FOXK1: variants seen among roughly 807,000 people sequenced by gnomAD.
FOXK1 encodes forkhead box protein K1.
In FOXK1, 19 loss-of-function variants were observed where a neutral mutation model predicts 51.9. That is an observed-to-expected ratio of 0.37 (90% CI 0.26 to 0.54). The LOEUF (loss-of-function observed/expected upper bound fraction) is 0.54, where lower values mean the gene tolerates loss of function less well. Ranked by LOEUF, FOXK1 falls within the 20% of genes least tolerant of loss-of-function variation. The pLI, the probability that FOXK1 is intolerant of heterozygous loss-of-function variation, is 0.87. For synonymous variants in FOXK1, 537 were observed against 482.6 expected (o/e 1.11, Z -1.48); for missense variants, 870 against 1,032.7 (o/e 0.84, Z 2.16).
At chr7:4,705,573 C>CTCTCTCTCTCTCTCTCT (rs1780078315) in intron 1 of FOXK1, among the ~76,000 whole-genome samples, 1 of 150,692 alleles carries the variant, frequency 6.6e-6, no homozygotes, top group African/African-American at 2.4e-5. Flanking sequence ...CTCGCTCTCT[C>CTCTCTCTCTCTCTCTCT]GTCGCCAGGC....
intron 7 of FOXK1, chr7:4,760,064 GTCCT>G (rs1780911760): frequency 6.0e-6 from 1 of 167,020 alleles, no homozygotes; most frequent in African/African-American, 2.4e-5. Flanking sequence ...CCGCAGATGT[GTCCT>G]TCCTTGTTGA....
At chr7:4,741,100 C>A in intron 2 of FOXK1, 77 bp downstream of exon 2, 1 of 1,062,694 alleles carries the variant, frequency 9.4e-7, no homozygotes, top group Non-Finnish European at 1.3e-6. Context: ...GTACGCAGCA[C>A]CGGGTTCCAA....
At chr7:4,695,791 C>T (rs1050251641) in intron 1 of FOXK1, among the ~76,000 whole-genome samples, 1 of 152,126 alleles carries the variant, frequency 6.6e-6, no homozygotes. Flanking sequence ...ACAAAATTAG[C>T]TGGGCGTGGT....
rs538827005 is a variant in FOXK1 at position 4,749,662 on chromosome 7, C to G, written c.747-4797C>G. 6.6e-6 allele frequency among the ~76,000 whole-genome samples: 1 copy of G among 152,190 alleles called. No individual in the cohort carries two copies. The highest frequency in any genetic ancestry group is 1.9e-4 in the East Asian group (1 of 5,194). The stretch of plus-strand genomic sequence containing the variant: ...AGAGCACTGTCCTCCCTGGGCCTGC[C>G]GGAAGCGATAACTGTCCCGACCCTA... On this transcript the variant is annotated intron_variant, in intron 2 of 8. Coordinates refer to ENST00000328914, the MANE Select transcript of FOXK1 (RefSeq NM_001037165.2). The surrounding 1 kb of genome is among the most constrained non-coding windows in gnomAD (Gnocchi z 6.0).
chr7:4,751,285 G>T lies in FOXK1; in HGVS notation c.747-3174G>T, dbSNP rs181340053. Among the ~76,000 whole-genome samples the T allele has an allele frequency of 2.1e-3, 318 of 148,110 alleles. 3 individuals carry two copies. Among genetic ancestry groups the T allele is most frequent in the Non-Finnish European group, 2.5e-4 (17 of 66,774 alleles). Reference sequence around the variant, plus strand: ...CCACCCTCCTCGGGTAATCCCAAAAGCATTGGGATTACCAATCCCAAAGCA... The same window carrying T: ...CCACCCTCCTCGGGTAATCCCAAAATCATTGGGATTACCAATCCCAAAGCA... On this transcript the variant is annotated intron_variant, in intron 2 of 8. Transcript: ENST00000328914.
intron 1 of FOXK1, among the ~76,000 whole-genome samples, chr7:4,721,589 C>CTTTTTTTTTTTTTTT (rs200132324): frequency 1.4e-3 from 162 of 112,560 alleles, no homozygotes; most frequent in Non-Finnish European, 1.8e-3. Context: ...TCTTTTTTTT[C>CTTTTTTTTTTTTTTT]TTTTTTTTTT....
At chr7:4,742,519 C>T (rs185739534) in intron 2 of FOXK1, among the ~76,000 whole-genome samples, 25 of 152,232 alleles carry the variant, frequency 1.6e-4, no homozygotes, top group African/African-American at 4.6e-4. Flanking sequence ...TGGGCTCAAG[C>T]GGTCTCCCCA....
Position 4,725,071 on chromosome 7 carries a change from G to C in FOXK1, c.561-15767G>C, listed in dbSNP as rs892348557. On this transcript the variant is annotated intron_variant, in intron 1 of 8. Coordinates refer to ENST00000328914, the MANE Select transcript of FOXK1 (RefSeq NM_001037165.2). The stretch of plus-strand genomic sequence containing the variant: ...AGCTCCCCCGAGGCCATCCAAGCGC[G>C]GTGCACCCGCCACCCACAGCGTCCT... 3.3e-5 allele frequency among the ~76,000 whole-genome samples: 5 copies of C among 152,222 alleles called. No individual in the cohort carries two copies. In the South Asian group the frequency reaches 8.3e-4, roughly 25 times the overall value.
At chr7:4,740,552 G>A (rs567055189) in intron 1 of FOXK1, among the ~76,000 whole-genome samples, 9 of 151,646 alleles carry the variant, frequency 5.9e-5, no homozygotes, top group South Asian at 2.1e-4. Context: ...CTGAGGTTGC[G>A]GTGAGCTGAG....
chr7:4,725,800 A>T (rs1340170640), intron 1 of FOXK1, among the ~76,000 whole-genome samples: 1 of 152,172 alleles, frequency 6.6e-6, no homozygotes, highest in East Asian at 1.9e-4. Context: ...ACAGGCTGGG[A>T]TCCAGGCAAG....
chr7:4,689,452 G>GT, intron 1 of FOXK1, among the ~76,000 whole-genome samples: 1 of 152,110 alleles, frequency 6.6e-6, no homozygotes, highest in Non-Finnish European at 1.5e-5. Flanking sequence ...CTACATAAAC[G>GT]TTTTAGCCCC....
chr7:4,699,376 G>GT (rs367704367), intron 1 of FOXK1, among the ~76,000 whole-genome samples: 18,819 of 135,988 alleles, frequency 0.14, 1,525 homozygotes, highest in East Asian at 0.27. Flanking sequence ...ACAGGGTTAG[G>GT]TTTTTTTTTT....
intron 1 of FOXK1, among the ~76,000 whole-genome samples, chr7:4,737,242 C>T (rs1052938983): frequency 7.2e-5 from 11 of 152,278 alleles, no homozygotes; most frequent in African/African-American, 1.9e-4. Flanking sequence ...GGGACTTTCA[C>T]GACACAGAAA....
At chr7:4,725,194 T>C (rs532804384) in intron 1 of FOXK1, among the ~76,000 whole-genome samples, 1 of 152,268 alleles carries the variant, frequency 6.6e-6, no homozygotes, top group South Asian at 2.1e-4. Context: ...TCACTGCGAG[T>C]TGGGGTCGCG....
At chr7:4,746,590 A>C (rs1263757008) in intron 2 of FOXK1, among the ~76,000 whole-genome samples, 1 of 152,222 alleles carries the variant, frequency 6.6e-6, no homozygotes, top group Non-Finnish European at 1.5e-5. Context: ...CGGGAGGCTG[A>C]GGCAGGAGGA....
chr7:4,697,348 G>C (rs1481974639), intron 1 of FOXK1, among the ~76,000 whole-genome samples: 3 of 152,202 alleles, frequency 2.0e-5, no homozygotes, highest in African/African-American at 7.2e-5. Flanking sequence ...CGGTATTCAC[G>C]GCCAACTTTT....
chr7:4,759,054 C>T lies in FOXK1; in HGVS notation c.1248C>T (p.Ser416=), dbSNP rs889199411. ...GCGGCCCTTGCCTGTCTTCCAGGAG[C>T]GCTCCAGCTTCGCCCACACACCCCG... ...RTPFGPLSSR[S]APASPTHPGL... is the part of the protein sequence containing the mutation. The change falls in exon 6 of 9, where the codon AGC becomes AGT. Residue 416 remains serine (S), a synonymous_variant. Transcript: ENST00000328914. The T allele has an allele frequency of 6.3e-7, 1 of 1,590,514 alleles. No homozygotes were observed. Among genetic ancestry groups the T allele is most frequent in the East Asian group, 2.2e-5 (1 of 44,764 alleles).
In FOXK1 at chr7:4,745,499, AT is replaced by A. The variant is rs1361755394; in HGVS notation, c.746+4483del. ...GTGTGTGTGTGTGTGTTTCTGATTT[AT>A]TTTTTTCTGCCCTGAAGTACTCCAC... On this transcript the variant is annotated intron_variant, in intron 2 of 8. Transcript: ENST00000328914. The surrounding 1 kb of genome is among the most constrained non-coding windows in gnomAD (Gnocchi z 4.3). 1.3e-5 allele frequency among the ~76,000 whole-genome samples: 2 copies of A among 150,878 alleles called. No homozygotes were observed. Among genetic ancestry groups the A allele is most frequent in the African/African-American group, 4.9e-5 (2 of 41,020 alleles).
rs549263115 is a variant in FOXK1, at chr7:4,731,675, G to A, written c.561-9163G>A. ...CTCGGGAGGCTGAGGCAGGAGAATC[G>A]CTTGGACCTGGAGGCGGAGGTTGCA... On this transcript the variant is annotated intron_variant, in intron 1 of 8. Transcript: ENST00000328914. This position sits in a 1 kb window ranked among gnomAD's most constrained non-coding sequence, Gnocchi z 5.3. Among the ~76,000 whole-genome samples, 301 of 151,004 alleles carry A rather than the reference G, an allele frequency of 2.0e-3. 1 individual carries two copies. The highest frequency in any genetic ancestry group is 3.5e-3 in the Non-Finnish European group (241 of 67,894).
Sources: allele counts gnomAD v4.1 joint callset (sites outside exome capture counted in the v4.1 genomes callset), GRCh38; gene constraint gnomAD v4.1.1; non-coding constraint Gnocchi (gnomAD v3.1); transcripts MANE v1.5; gene names NCBI Gene and HGNC (gene_info 2026-07-23, HGNC 2026-07-21).